ACO2: variants seen among roughly 807,000 people sequenced by gnomAD.
ACO2 encodes the protein aconitase 2.
A neutral mutation model predicts 84.5 loss-of-function variants in ACO2; 31 were observed. That is an observed-to-expected ratio of 0.37 (90% CI 0.28 to 0.50). The LOEUF is 0.50. ACO2 is among the 20% of genes least tolerant of loss of function. The probability of loss-of-function intolerance (pLI) is 0.97; values close to 1 mark genes in which losing one functional copy is unlikely to be tolerated. For synonymous variants in ACO2, 414 were observed against 412.7 expected, an observed-to-expected ratio of 1.00 and a Z score of -0.04; for missense variants, 685 against 1,029.3, an observed-to-expected ratio of 0.67 and a Z score of 4.58.
At chr22:41,473,720 A>G (rs2037973722) in intron 1 of ACO2, among the ~76,000 whole-genome samples, 1 of 152,172 alleles carries the variant, frequency 6.6e-6, no homozygotes, top group Non-Finnish European at 1.5e-5. Context: ...TGTTTGGGGA[A>G]GACCTCGTAG....
chr22:41,499,821 T>C lies in ACO2; in HGVS notation c.132T>C (p.His44=), dbSNP rs2066341175. ...ACTTTGAGCCCAACGAGTACATCCA[T>C]TATGACCTGCTAGAGAAGAACATTA... ...MSHFEPNEYI[H]YDLLEKNINI... is the part of the protein sequence containing the mutation. The change falls in exon 2 of 18, where the codon CAT becomes CAC. Residue 44 remains histidine, a synonymous_variant. Transcript: ENST00000216254. 6.2e-6 allele frequency: 10 copies of C among 1,614,036 alleles called. No homozygotes were observed. The highest frequency in any genetic ancestry group is 1.7e-5 in the Admixed American group (1 of 59,992).
chr22:41,489,588 G>T (rs989931422), intron 1 of ACO2, among the ~76,000 whole-genome samples: 3 of 152,102 alleles, frequency 2.0e-5, no homozygotes, highest in Admixed American at 2.0e-4. Flanking sequence ...CACCTTCTGG[G>T]TTTCATTGTT....
intron 15 of ACO2, 113 bp downstream of exon 15, chr22:41,526,566 C>A: frequency 8.2e-7 from 1 of 1,217,090 alleles, no homozygotes; most frequent in Non-Finnish European, 1.1e-6. Flanking sequence ...CGACCAAGCC[C>A]AAAGGGGACT....
chr22:41,515,332 C>G lies in ACO2; in HGVS notation c.526-45C>G, dbSNP rs780961600. ...GTCAGTGGGGCCATTTTTTGGTATT[C>G]TCGGCTGAGGGCTTCTAAATATAAC... On this transcript the variant is annotated intron_variant, in intron 4 of 17. Coordinates refer to ENST00000216254, the MANE Select transcript of ACO2 (RefSeq NM_001098.3). The surrounding 1 kb of genome is among the most constrained non-coding windows in gnomAD (Gnocchi z 5.8). 5 of 1,610,756 alleles carry G rather than the reference C, an allele frequency of 3.1e-6. No individual in the cohort carries two copies. Among genetic ancestry groups the G allele is most frequent in the Non-Finnish European group, 4.2e-6 (5 of 1,179,272 alleles).
At chr22:41,519,425 C>T (rs1449035822) in intron 8 of ACO2, among the ~76,000 whole-genome samples, 3 of 152,206 alleles carry the variant, frequency 2.0e-5, no homozygotes, top group Admixed American at 6.5e-5. Flanking sequence ...CGGAGGTTTA[C>T]TGCATGCTGC....
intron 15 of ACO2, chr22:41,526,694 G>A (rs2066604760): frequency 4.2e-6 from 2 of 475,870 alleles, no homozygotes; most frequent in Admixed American, 7.1e-5. Flanking sequence ...GATATCTTAG[G>A]ATATCTGGCC....
intron 10 of ACO2, 65 bp downstream of exon 10, chr22:41,523,052 C>T: frequency 1.9e-6 from 3 of 1,596,430 alleles, no homozygotes; most frequent in Non-Finnish European, 2.6e-6. Flanking sequence ...CCAGGCGGCA[C>T]AAGCCCAGAG....
At chr22:41,512,013 A>G in intron 4 of ACO2, 45 bp downstream of exon 4, 1 of 1,534,644 alleles carries the variant, frequency 6.5e-7, no homozygotes, top group Non-Finnish European at 8.9e-7. Context: ...CAAGCCAGAG[A>G]AGTATGTTCC....
At chr22:41,495,637 T>C (rs937467585) in intron 1 of ACO2, among the ~76,000 whole-genome samples, 1 of 151,468 alleles carries the variant, frequency 6.6e-6, no homozygotes, top group Non-Finnish European at 1.5e-5. Context: ...TTTTTTTTTT[T>C]TGAGACTGAG....
At chr22:41,491,245 C>G (rs1474833509) in intron 1 of ACO2, among the ~76,000 whole-genome samples, 1 of 151,916 alleles carries the variant, frequency 6.6e-6, no homozygotes, top group East Asian at 1.9e-4. Context: ...TGTTCAGTGC[C>G]CTTGAGGAAG....
At chr22:41,523,544 A>G (rs1601926629) in intron 11 of ACO2, among the ~76,000 whole-genome samples, 1 of 152,328 alleles carries the variant, frequency 6.6e-6, no homozygotes, top group East Asian at 1.9e-4. Context: ...TGACGGACAC[A>G]GCAGGAGCCG....
At chr22:41,502,908 C>T (rs1455478790) in intron 2 of ACO2, among the ~76,000 whole-genome samples, 1 of 151,684 alleles carries the variant, frequency 6.6e-6, no homozygotes, top group African/African-American at 2.4e-5. Context: ...CTGCGCCTGG[C>T]CTTTTTTTTT....
chr22:41,526,444 C>A lies in ACO2; in HGVS notation c.1944C>A (p.Arg648=). ...QEFGPVPDTA[R]YYKKHGIRWV... ...TTGGCCCCGTCCCTGACACTGCCCG[C>A]TACTACAAGGTGGGTCAGAGTTGAT... Residue 648 remains arginine (R), a synonymous_variant, in exon 15 of 18, where the codon CGC becomes CGA. Transcript: ENST00000216254. The A allele has an allele frequency of 6.2e-7, 1 of 1,612,374 alleles. No homozygotes were observed. The highest frequency in any genetic ancestry group is 8.5e-7 in the Non-Finnish European group (1 of 1,178,980).
intron 15 of ACO2, 85 bp downstream of exon 15, chr22:41,526,538 G>C: frequency 3.4e-6 from 5 of 1,460,150 alleles, no homozygotes; most frequent in Non-Finnish European, 4.6e-6. Context: ...TTAGGGGAGT[G>C]GAAACTGGGA....
chr22:41,489,654 G>A (rs1449888497), intron 1 of ACO2, among the ~76,000 whole-genome samples: 1 of 151,778 alleles, frequency 6.6e-6, no homozygotes, highest in African/African-American at 2.4e-5. Context: ...AGCTTGCTTA[G>A]ATGCAGGTTA....
At chr22:41,525,785 A>G (rs542021948) in intron 14 of ACO2, 1 of 209,158 alleles carries the variant, frequency 4.8e-6, no homozygotes, top group South Asian at 1.0e-4. Context: ...TTTGGCACCG[A>G]CCAAAAACAA....
At chr22:41,487,717 C>T (rs1458662847) in intron 1 of ACO2, among the ~76,000 whole-genome samples, 1 of 152,010 alleles carries the variant, frequency 6.6e-6, no homozygotes, top group Non-Finnish European at 1.5e-5. Flanking sequence ...TAACACAGCT[C>T]TAGAGGGCTG....
intron 1 of ACO2, among the ~76,000 whole-genome samples, chr22:41,474,638 A>G (rs1412962269): frequency 9.8e-6 from 1 of 102,280 alleles, no homozygotes; most frequent in Non-Finnish European, 1.8e-5. Context: ...TCACTCTGTC[A>G]CCCAGGCTGG....
At chr22:41,510,131 C>G (rs560128101) in intron 3 of ACO2, among the ~76,000 whole-genome samples, 1 of 152,134 alleles carries the variant, frequency 6.6e-6, no homozygotes, top group Middle Eastern at 3.2e-3. Flanking sequence ...CCACCACGCC[C>G]GGCCTAGAAT....
Sources: gnomAD v4.1 joint callset for allele counts (sites outside exome capture counted in the v4.1 genomes callset) on GRCh38, gnomAD v4.1.1 for gene constraint, Gnocchi (gnomAD v3.1) non-coding constraint, MANE v1.5 for transcripts, NCBI Gene and HGNC (gene_info 2026-07-23, HGNC 2026-07-21) for gene names.